The following LRMDA variants were observed in gnomAD, a reference collection of about 807,000 sequenced individuals.
LRMDA encodes the protein leucine-rich melanocyte differentiation-associated protein.
Under a neutral mutation model 29.8 loss-of-function variants are expected in LRMDA, and 18 were observed. The observed-to-expected ratio is 0.60, with a 90% CI of 0.42 to 0.90. LRMDA has a LOEUF of 0.90. Among genes scored for constraint, LRMDA ranks in the 40% least tolerant of loss-of-function variants. LRMDA has a pLI of 0.00. For synonymous variants in LRMDA, 125 were observed against 109.4 expected (o/e 1.14, Z -0.89); for missense variants, 273 against 273.9 (o/e 1.00, Z 0.02).
rs1589181757 is a variant in LRMDA at position 75,556,322 on chromosome 10, G to A, written c.131+117828G>A. 2.6e-5 allele frequency among the ~76,000 whole-genome samples: 4 copies of A among 152,244 alleles called. No individual in the cohort carries two copies. In the South Asian group the frequency reaches 8.3e-4, roughly 32 times the overall value. On this transcript the variant is annotated intron_variant, in intron 2 of 6. Coordinates refer to ENST00000611255, the MANE Select transcript of LRMDA (RefSeq NM_001305581.2). ...CTTGAATTACCTTAATGTCTCATCA[G>A]AAATAGCAAAGACAGTGGGACATCT... is the stretch of plus-strand genomic sequence containing the variant.
intron 2 of LRMDA, among the ~76,000 whole-genome samples, chr10:75,601,009 G>A (rs1589198850): frequency 6.6e-6 from 1 of 152,284 alleles, no homozygotes; most frequent in East Asian, 1.9e-4. Flanking sequence ...CCTTGAAAAC[G>A]CACTTTGCTG....
At chr10:76,113,714 T>A (rs1589332847) in intron 5 of LRMDA, among the ~76,000 whole-genome samples, 2 of 152,268 alleles carry the variant, frequency 1.3e-5, no homozygotes, top group African/African-American at 4.8e-5. Flanking sequence ...CCAGCCTCCA[T>A]TTGATGCCGC....
chr10:76,154,405 C>T (rs1850501395), intron 5 of LRMDA, among the ~76,000 whole-genome samples: 1 of 152,122 alleles, frequency 6.6e-6, no homozygotes, highest in African/African-American at 2.4e-5. Context: ...GCATCTAGAC[C>T]AAACAATATC....
chr10:76,144,816 A>G (rs1850279710), intron 5 of LRMDA, among the ~76,000 whole-genome samples: 1 of 152,056 alleles, frequency 6.6e-6, no homozygotes, highest in Non-Finnish European at 1.5e-5. Context: ...TCAGTATGAT[A>G]TTGGCTGTGG....
intron 6 of LRMDA, among the ~76,000 whole-genome samples, chr10:76,494,924 T>C (rs930900062): frequency 6.6e-6 from 1 of 151,906 alleles, no homozygotes; most frequent in Non-Finnish European, 1.5e-5. Flanking sequence ...CTAACATTAT[T>C]TTGGCCAGAA....
intron 2 of LRMDA, among the ~76,000 whole-genome samples, chr10:75,699,608 AGT>A (rs1284146243): frequency 6.6e-6 from 1 of 152,224 alleles, no homozygotes; most frequent in East Asian, 1.9e-4. Context: ...CAATAATCTG[AGT>A]GTGACTGGTT....
chr10:76,421,095 C>T (rs915499917), intron 6 of LRMDA, among the ~76,000 whole-genome samples: 1 of 151,962 alleles, frequency 6.6e-6, no homozygotes, highest in Admixed American at 6.6e-5. Flanking sequence ...TTTTTGTTAT[C>T]TGCTTCTTTT....
chr10:76,098,353 C>T (rs1406216430), intron 5 of LRMDA, among the ~76,000 whole-genome samples: 1 of 152,128 alleles, frequency 6.6e-6, no homozygotes, highest in Non-Finnish European at 1.5e-5. Context: ...TTTTTAACTA[C>T]AAATACAATT....
intron 5 of LRMDA, among the ~76,000 whole-genome samples, chr10:76,207,308 C>G (rs1851554720): frequency 6.6e-6 from 1 of 152,188 alleles, no homozygotes; most frequent in South Asian, 2.1e-4. Flanking sequence ...CTGACTTTCT[C>G]AAGCTCTGAC....
chr10:75,523,009 C>A (rs1845378069), intron 2 of LRMDA, among the ~76,000 whole-genome samples: 1 of 152,230 alleles, frequency 6.6e-6, no homozygotes, highest in Admixed American at 6.5e-5. Context: ...GGCCTGGCCC[C>A]AGCTTTGCCT....
chr10:76,383,802 G>A (rs1423292068), intron 6 of LRMDA, among the ~76,000 whole-genome samples: 1 of 152,122 alleles, frequency 6.6e-6, no homozygotes, highest in Non-Finnish European at 1.5e-5. Context: ...TGTGATATTG[G>A]CTTCTTTTGA....
chr10:75,884,695 C>G (rs184088680), intron 2 of LRMDA, among the ~76,000 whole-genome samples: 74 of 152,302 alleles, frequency 4.9e-4, no homozygotes, highest in African/African-American at 1.7e-3. Flanking sequence ...TAACTCCTTG[C>G]TTGGCTTCTG....
intron 2 of LRMDA, among the ~76,000 whole-genome samples, chr10:75,654,557 T>C (rs1418514730): frequency 6.6e-6 from 1 of 152,208 alleles, no homozygotes; most frequent in Admixed American, 6.5e-5. Flanking sequence ...GCTCTTGTCC[T>C]CTCCCCTCTC....
chr10:76,197,977 C>A (rs1023834427), intron 5 of LRMDA, among the ~76,000 whole-genome samples: 1 of 152,014 alleles, frequency 6.6e-6, no homozygotes, highest in African/African-American at 2.4e-5. Context: ...CTAAACTACA[C>A]AGTCTTTGTC....
chr10:76,036,498 G>T (rs773765683), intron 3 of LRMDA, among the ~76,000 whole-genome samples: 1 of 152,224 alleles, frequency 6.6e-6, no homozygotes, highest in Non-Finnish European at 1.5e-5. Context: ...GCTTGGGCTT[G>T]TGTGGGAGGG....
At chr10:76,322,785 G>C (rs1840787605) in intron 5 of LRMDA, among the ~76,000 whole-genome samples, 1 of 152,114 alleles carries the variant, frequency 6.6e-6, no homozygotes, top group Non-Finnish European at 1.5e-5. Context: ...TGACAGCTAT[G>C]GCTTCCTATG....
At chr10:75,447,071 C>A (rs1462468699) in intron 2 of LRMDA, among the ~76,000 whole-genome samples, 1 of 152,162 alleles carries the variant, frequency 6.6e-6, no homozygotes, top group Non-Finnish European at 1.5e-5. Context: ...AAAAGATAGA[C>A]TTTAGAAGAT....
intron 2 of LRMDA, among the ~76,000 whole-genome samples, chr10:75,443,748 G>A (rs1279263786): frequency 1.3e-5 from 2 of 152,206 alleles, no homozygotes; most frequent in Non-Finnish European, 2.9e-5. Flanking sequence ...TTTTGTAAGT[G>A]TTTGAGAAGG....
intron 5 of LRMDA, among the ~76,000 whole-genome samples, chr10:76,166,923 ATTCCCT>A (rs1850751348): frequency 6.6e-6 from 1 of 152,186 alleles, no homozygotes; most frequent in South Asian, 2.1e-4. Context: ...GTATTTAAGC[ATTCCCT>A]TTTCTCTGCA....
Sources: gnomAD v4.1 joint callset for allele counts (sites outside exome capture counted in the v4.1 genomes callset) on GRCh38, gnomAD v4.1.1 for gene constraint, MANE v1.5 for transcripts, NCBI Gene and HGNC (gene_info 2026-07-23, HGNC 2026-07-21) for gene names.